Variants in PLA2G6 observed in about 807,000 individuals in gnomAD.
PLA2G6 encodes the protein phospholipase A2 group VI, also known as 85/88 kDa calcium-independent phospholipase A2.
PLA2G6 carries 62 observed loss-of-function variants against 83.8 expected under a neutral mutation model. The observed-to-expected ratio is 0.74, with a 90% CI of 0.60 to 0.91. The LOEUF (loss-of-function observed/expected upper bound fraction) is 0.91. Ranked by LOEUF, PLA2G6 falls within the 40% of genes least tolerant of loss-of-function variation. The pLI, the probability that PLA2G6 is intolerant of heterozygous loss-of-function variation, is 0.00. For missense variants in PLA2G6, 944 were observed against 1,102.0 expected (o/e 0.86, Z 2.03); for synonymous variants, 417 against 449.8 (o/e 0.93, Z 0.92).
At chr22:38,113,756 T>A in intron 14 of PLA2G6, 102 bp from the exon 15 acceptor site, 1 of 1,057,388 alleles carries the variant, frequency 9.5e-7, no homozygotes, top group Admixed American at 1.7e-5. Context: ...CTGGGGCACA[T>A]GAGAACAGGG....
chr22:38,158,572 T>C (rs906447858), intron 2 of PLA2G6, among the ~76,000 whole-genome samples: 1 of 152,226 alleles, frequency 6.6e-6, no homozygotes, highest in African/African-American at 2.4e-5. Context: ...TCATTTATAG[T>C]TACATTTTTG....
chr22:38,117,664 A>G (rs2087286864), intron 12 of PLA2G6, among the ~76,000 whole-genome samples: 1 of 152,212 alleles, frequency 6.6e-6, no homozygotes, highest in Non-Finnish European at 1.5e-5. Context: ...CAAAACGTGT[A>G]TCCAACAGAC....
chr22:38,127,022 C>T (rs1236025544), intron 9 of PLA2G6: 4 of 1,080,818 alleles, frequency 3.7e-6, no homozygotes, highest in Non-Finnish European at 4.5e-6. Flanking sequence ...CCACCATCCA[C>T]TCTGTCCATG....
chr22:38,128,457 T>C lies in PLA2G6; in HGVS notation c.1187-27A>G, dbSNP rs755522932. The C allele has an allele frequency of 3.7e-6, 6 of 1,612,658 alleles. No individual in the cohort carries two copies. In the Admixed American group the frequency reaches 1.0e-4, roughly 27 times the overall value. ...TTGTCATGGTTTGGGGAAGGGGAGA[T>C]GGCACAGGATCAGAAATGATGTCAA... On this transcript the variant is annotated intron_variant, in intron 8 of 16. Coordinates refer to ENST00000332509, the MANE Select transcript of PLA2G6 (RefSeq NM_003560.4). The surrounding 1 kb of genome is among the most constrained non-coding windows in gnomAD (Gnocchi z 4.4).
At chr22:38,157,403 C>T (rs1479614316) in intron 2 of PLA2G6, among the ~76,000 whole-genome samples, 1 of 152,068 alleles carries the variant, frequency 6.6e-6, no homozygotes, top group Admixed American at 6.6e-5. Flanking sequence ...CAAGATGGAA[C>T]CGTGAAGAAA....
intron 2 of PLA2G6, among the ~76,000 whole-genome samples, chr22:38,152,255 C>T (rs1029396458): frequency 5.9e-5 from 9 of 151,978 alleles, no homozygotes; most frequent in African/African-American, 1.5e-4. Flanking sequence ...TCGCTCTTGT[C>T]GCCCAGGTGA....
intron 7 of PLA2G6, chr22:38,131,676 G>C (rs1436136224): frequency 6.5e-6 from 1 of 153,250 alleles, no homozygotes; most frequent in Non-Finnish European, 1.5e-5. Context: ...TTGACCTTTG[G>C]TATAAAACAG....
At chr22:38,135,968 TAAACA>T (rs1268771488) in intron 5 of PLA2G6, 5 of 152,172 alleles carry the variant, frequency 3.3e-5, no homozygotes, top group African/African-American at 1.2e-4. Flanking sequence ...ACTGAATGGA[TAAACA>T]AAATAGTATT....
At chr22:38,142,923 G>C (rs1334245047) in intron 4 of PLA2G6, 182 bp downstream of exon 4, 1 of 727,562 alleles carries the variant, frequency 1.4e-6, no homozygotes, top group Non-Finnish European at 2.5e-6. Context: ...GTGGCTCCTG[G>C]AAAAGGGCTG....
chr22:38,144,891 G>A (rs896389285), intron 3 of PLA2G6: 2 of 249,158 alleles, frequency 8.0e-6, no homozygotes, highest in Admixed American at 5.0e-5. Flanking sequence ...ATAAAATGAC[G>A]ATACCTTGTG....
intron 12 of PLA2G6, among the ~76,000 whole-genome samples, chr22:38,119,376 G>A (rs1240094188): frequency 1.3e-5 from 2 of 152,162 alleles, no homozygotes; most frequent in East Asian, 1.9e-4. Context: ...GGCCAATCAC[G>A]TGGAAAACAT....
chr22:38,145,435 C>A lies in PLA2G6; in HGVS notation c.425+3G>T, dbSNP rs747289673. 47 of 1,602,556 alleles carry A rather than the reference C, an allele frequency of 2.9e-5. No individual in the cohort carries two copies. The highest frequency in any genetic ancestry group is 3.8e-5 in the Non-Finnish European group (45 of 1,175,370). ...GTCCAAATGGTCTTGTTCCCTTGCT[C>A]ACCTGATGATACGGCTGTGATGGAA... On this transcript the variant is annotated splice_donor_region_variant and intron_variant, in intron 3 of 16. Coordinates refer to ENST00000332509, the MANE Select transcript of PLA2G6 (RefSeq NM_003560.4).
At chr22:38,158,582 G>C (rs2089887154) in intron 2 of PLA2G6, among the ~76,000 whole-genome samples, 1 of 152,052 alleles carries the variant, frequency 6.6e-6, no homozygotes, top group Admixed American at 6.6e-5. Context: ...TTACATTTTT[G>C]CTATTGATTT....
At chr22:38,168,355 GC>G (rs2090302060) in intron 2 of PLA2G6, among the ~76,000 whole-genome samples, 2 of 152,206 alleles carry the variant, frequency 1.3e-5, no homozygotes, top group Admixed American at 1.3e-4. Context: ...CACTGCTGGG[GC>G]CTGCATTTGG....
intron 2 of PLA2G6, among the ~76,000 whole-genome samples, chr22:38,166,272 T>C (rs132976): frequency 0.12 from 17,685 of 152,114 alleles, 1,251 homozygotes; most frequent in African/African-American, 0.18. Flanking sequence ...CACCCTCCCT[T>C]TGGCTGGAAA....
At chr22:38,161,234 C>G (rs1240134778) in intron 2 of PLA2G6, among the ~76,000 whole-genome samples, 1 of 152,046 alleles carries the variant, frequency 6.6e-6, no homozygotes, top group East Asian at 1.9e-4. Flanking sequence ...ACCTTTATTT[C>G]TCACAGTTCT....
intron 1 of PLA2G6, among the ~76,000 whole-genome samples, chr22:38,171,835 A>T (rs2090450252): frequency 6.6e-6 from 1 of 151,744 alleles, no homozygotes; most frequent in Non-Finnish European, 1.5e-5. Flanking sequence ...AAAAAAAAAA[A>T]AAAAATTATA....
At chr22:38,159,019 T>C (rs1276072581) in intron 2 of PLA2G6, among the ~76,000 whole-genome samples, 3 of 147,152 alleles carry the variant, frequency 2.0e-5, no homozygotes, top group African/African-American at 7.6e-5. Context: ...GCCAATATGG[T>C]GAAACCCCAC....
At chr22:38,117,712 GAC>G (rs2087287991) in intron 12 of PLA2G6, among the ~76,000 whole-genome samples, 1 of 152,092 alleles carries the variant, frequency 6.6e-6, no homozygotes, top group Non-Finnish European at 1.5e-5. Context: ...AGGAAATTCT[GAC>G]ACACGCTACA....
Sources: gnomAD v4.1 joint callset for allele counts (sites outside exome capture counted in the v4.1 genomes callset) on GRCh38, gnomAD v4.1.1 for gene constraint, Gnocchi (gnomAD v3.1) non-coding constraint, MANE v1.5 for transcripts, NCBI Gene and HGNC (gene_info 2026-07-23, HGNC 2026-07-21) for gene names.